PAFAH1B1: variants seen among roughly 807,000 people sequenced by gnomAD.
PAFAH1B1 encodes the protein platelet-activating factor acetylhydrolase IB subunit beta.
PAFAH1B1 carries 2 observed loss-of-function variants against 57.5 expected under a neutral mutation model. The ratio of observed to expected loss-of-function variants is 0.03; its 90% CI spans 0.01 to 0.11. The LOEUF (loss-of-function observed/expected upper bound fraction) is 0.11, where lower values mean the gene tolerates loss of function less well. Among genes scored for constraint, PAFAH1B1 ranks in the 10% least tolerant of loss-of-function variants. PAFAH1B1 has a pLI of 1.00. For missense variants in PAFAH1B1, 257 were observed against 512.0 expected, an observed-to-expected ratio of 0.50 and a Z score of 4.81; for synonymous variants, 152 against 169.6, an observed-to-expected ratio of 0.90 and a Z score of 0.81.
At chr17:2,649,776 A>T (rs1226855962) in intron 2 of PAFAH1B1, among the ~76,000 whole-genome samples, 3 of 152,184 alleles carry the variant, frequency 2.0e-5, no homozygotes, top group African/African-American at 7.2e-5. Flanking sequence ...GAAGAGAAAA[A>T]TAAATAAAAT....
At chr17:2,630,696 A>G (rs1467504720) in intron 1 of PAFAH1B1, among the ~76,000 whole-genome samples, 5 of 152,156 alleles carry the variant, frequency 3.3e-5, no homozygotes, top group Admixed American at 6.6e-5. Context: ...ATTCTCCCAA[A>G]TATGTTTTCC....
chr17:2,671,995 CA>C (rs1180042516), intron 6 of PAFAH1B1, among the ~76,000 whole-genome samples: 1 of 152,082 alleles, frequency 6.6e-6, no homozygotes, highest in African/African-American at 2.4e-5. Flanking sequence ...AAGCTAGGCA[CA>C]GTGGCTCACA....
chr17:2,634,212 C>A (rs955730716), intron 1 of PAFAH1B1, among the ~76,000 whole-genome samples: 1 of 152,160 alleles, frequency 6.6e-6, no homozygotes, highest in Non-Finnish European at 1.5e-5. Flanking sequence ...TTCAGCTCAA[C>A]TGCAACCTCC....
chr17:2,620,607 T>C (rs971056244), intron 1 of PAFAH1B1, among the ~76,000 whole-genome samples: 2 of 152,196 alleles, frequency 1.3e-5, no homozygotes, highest in Admixed American at 6.5e-5. Context: ...CTCATGCCTG[T>C]AATCCCAGCA....
chr17:2,627,208 G>T (rs1264883125), intron 1 of PAFAH1B1, among the ~76,000 whole-genome samples: 2 of 152,190 alleles, frequency 1.3e-5, no homozygotes, highest in Non-Finnish European at 2.9e-5. Flanking sequence ...TTACCTTCTA[G>T]AATTTTTAGT....
intron 9 of PAFAH1B1, chr17:2,679,608 G>A (rs1038326222): frequency 1.3e-5 from 1 of 75,000 alleles, no homozygotes; most frequent in African/African-American, 4.8e-5. Flanking sequence ...GTGGGTGGGT[G>A]GATGGATGGA....
intron 8 of PAFAH1B1, among the ~76,000 whole-genome samples, chr17:2,675,451 G>A (rs976394436): frequency 1.3e-5 from 2 of 151,860 alleles, no homozygotes; most frequent in African/African-American, 2.4e-5. Context: ...ATTTTGATTG[G>A]CCCATTGCAT....
At chr17:2,673,796 AC>A in intron 7 of PAFAH1B1, 1 of 448,464 alleles carries the variant, frequency 2.2e-6, no homozygotes, top group Non-Finnish European at 4.1e-6. Flanking sequence ...GGCTGGAAAT[AC>A]TTTTAAGTGT....
At chr17:2,611,335 G>C (rs1393210566) in intron 1 of PAFAH1B1, among the ~76,000 whole-genome samples, 1 of 152,016 alleles carries the variant, frequency 6.6e-6, no homozygotes, top group Non-Finnish European at 1.5e-5. Flanking sequence ...GAGCATGGTT[G>C]TGTGCGCCTG....
At chr17:2,626,756 T>C (rs2151626985) in intron 1 of PAFAH1B1, among the ~76,000 whole-genome samples, 1 of 152,144 alleles carries the variant, frequency 6.6e-6, no homozygotes, top group South Asian at 2.1e-4. Context: ...GGTTTCACCA[T>C]ATTGGCCAGG....
chr17:2,639,887 C>G (rs187251847), intron 2 of PAFAH1B1: 1 of 151,914 alleles, frequency 6.6e-6, no homozygotes, highest in Non-Finnish European at 1.5e-5. Context: ...TGAGTATGTT[C>G]TATATTTTTA....
chr17:2,675,034 C>A (rs1425196558), intron 8 of PAFAH1B1, among the ~76,000 whole-genome samples: 1 of 152,188 alleles, frequency 6.6e-6, no homozygotes, highest in Non-Finnish European at 1.5e-5. Flanking sequence ...GACAGTCTCA[C>A]TCTGTTGCCC....
intron 4 of PAFAH1B1, among the ~76,000 whole-genome samples, chr17:2,666,433 T>A (rs1460233040): frequency 6.6e-6 from 1 of 152,226 alleles, no homozygotes; most frequent in African/African-American, 2.4e-5. Flanking sequence ...AAGTTGTTTT[T>A]ATCTCTGAGC....
intron 1 of PAFAH1B1, among the ~76,000 whole-genome samples, chr17:2,595,799 C>T (rs1395224364): frequency 6.6e-6 from 1 of 152,078 alleles, no homozygotes; most frequent in African/African-American, 2.4e-5. Context: ...TCCAATTTTT[C>T]ACTTGAAGTA....
At chr17:2,625,295 T>C (rs925065363) in intron 1 of PAFAH1B1, among the ~76,000 whole-genome samples, 18 of 152,228 alleles carry the variant, frequency 1.2e-4, no homozygotes, top group Admixed American at 8.5e-4. Context: ...GTTTGTCATA[T>C]ATGCAAGTAG....
chr17:2,673,291 T>G (rs1567559190), intron 7 of PAFAH1B1, among the ~76,000 whole-genome samples: 1 of 152,204 alleles, frequency 6.6e-6, no homozygotes, highest in African/African-American at 2.4e-5. Flanking sequence ...TGTAATGGCT[T>G]ATTTCCTCTG....
chr17:2,608,376 A>G (rs2068229351), intron 1 of PAFAH1B1, among the ~76,000 whole-genome samples: 1 of 152,190 alleles, frequency 6.6e-6, no homozygotes, highest in South Asian at 2.1e-4. Context: ...GAGCCATCAC[A>G]CCTGGCCCTT....
rs569977427 is a variant in PAFAH1B1, at chr17:2,644,429, G to A, written c.32+6109G>A. 3.3e-5 allele frequency among the ~76,000 whole-genome samples: 5 copies of A among 152,260 alleles called. No homozygotes were observed. The South Asian group carries it at 1.0e-3, about 32-fold the overall frequency. On this transcript the variant is annotated intron_variant, in intron 2 of 10. Transcript: ENST00000397195. ...GTGGTGGTGGGCGCCTCTAGTCTCA[G>A]CTACTCGGGAGGCTGAGGCAGGAGA...
At chr17:2,648,624 C>A (rs1045096157) in intron 2 of PAFAH1B1, among the ~76,000 whole-genome samples, 2 of 150,970 alleles carry the variant, frequency 1.3e-5, no homozygotes, top group Non-Finnish European at 3.0e-5. Flanking sequence ...GTTGCAGTGA[C>A]CTGAGATCGT....
Sources: gnomAD v4.1 joint callset for allele counts (sites outside exome capture counted in the v4.1 genomes callset) on GRCh38, gnomAD v4.1.1 for gene constraint, MANE v1.5 for transcripts, NCBI Gene and HGNC (gene_info 2026-07-23, HGNC 2026-07-21) for gene names.